ROBO2: variants seen among roughly 807,000 people sequenced by gnomAD.
ROBO2 encodes roundabout guidance receptor 2, also known as roundabout homolog 2.
A neutral mutation model predicts 160.8 loss-of-function variants in ROBO2; 53 were observed. The observed-to-expected ratio is 0.33, with a 90% CI of 0.26 to 0.41. The LOEUF is 0.41. ROBO2 is among the 10% of genes least tolerant of loss of function. The pLI, the probability that ROBO2 is intolerant of heterozygous loss-of-function variation, is 1.00. For synonymous variants in ROBO2, 664 were observed against 611.7 expected (o/e 1.09, Z -1.26); for missense variants, 1,577 against 1,722.4 (o/e 0.92, Z 1.49).
At chr3:77,423,703 C>T (rs2077922301) in intron 2 of ROBO2, among the ~76,000 whole-genome samples, 1 of 152,158 alleles carries the variant, frequency 6.6e-6, no homozygotes, top group South Asian at 2.1e-4. Flanking sequence ...AGCACTACCA[C>T]TACTGATTAT....
intron 2 of ROBO2, among the ~76,000 whole-genome samples, chr3:76,292,939 T>C (rs1191437444): frequency 6.6e-6 from 1 of 151,772 alleles, no homozygotes; most frequent in Non-Finnish European, 1.5e-5. Context: ...TATTTCTGAA[T>C]GTCAAATGTC....
At chr3:76,047,280 G>GA (rs145063522) in intron 2 of ROBO2, among the ~76,000 whole-genome samples, 3,786 of 152,140 alleles carry the variant, frequency 0.025, 140 homozygotes, top group African/African-American at 0.079. Flanking sequence ...TATTCCTCAT[G>GA]AAAAATATAG....
At chr3:77,531,258 G>T (rs57938865) in intron 6 of ROBO2, among the ~76,000 whole-genome samples, 6,388 of 152,052 alleles carry the variant, frequency 0.042, 426 homozygotes, top group African/African-American at 0.14. Context: ...CCAAAAGTAT[G>T]CTTCCTTTTG....
At chr3:75,999,626 A>G (rs949502832) in intron 2 of ROBO2, among the ~76,000 whole-genome samples, 1 of 152,156 alleles carries the variant, frequency 6.6e-6, no homozygotes, top group Admixed American at 6.6e-5. Flanking sequence ...CTTCTTACTC[A>G]ATTACTTTTA....
intron 2 of ROBO2, among the ~76,000 whole-genome samples, chr3:77,098,613 G>A (rs945984865): frequency 5.3e-5 from 8 of 152,080 alleles, no homozygotes; most frequent in Middle Eastern, 3.4e-3. Context: ...TTTGGGAGGC[G>A]GAGGCGGGCG....
chr3:77,331,981 C>T (rs551279832), intron 2 of ROBO2, among the ~76,000 whole-genome samples: 1 of 152,292 alleles, frequency 6.6e-6, no homozygotes, highest in South Asian at 2.1e-4. Flanking sequence ...GCTGGGATTA[C>T]AGGCGTGAGC....
At chr3:75,997,833 T>A (rs1305207398) in intron 2 of ROBO2, among the ~76,000 whole-genome samples, 1 of 152,132 alleles carries the variant, frequency 6.6e-6, no homozygotes, top group Admixed American at 6.5e-5. Flanking sequence ...GACTAAGATA[T>A]GAACATTTTT....
chr3:77,533,503 G>A lies in ROBO2; in HGVS notation c.934+10601G>A, dbSNP rs553911021. On this transcript the variant is annotated intron_variant, in intron 6 of 25. Transcript: ENST00000461745. ...AGGAATCCACTTCAAAGTTCCTTGGGGTGTTTTTCGGAATCTGGTTCCTTG... is the reference window on the plus strand; with the variant it reads ...AGGAATCCACTTCAAAGTTCCTTGGAGTGTTTTTCGGAATCTGGTTCCTTG... Among the ~76,000 whole-genome samples, 36 of 152,284 alleles carry A rather than the reference G, an allele frequency of 2.4e-4. 1 individual carries two copies. The Middle Eastern group carries it at 0.02, about 86-fold the overall frequency.
intron 1 of ROBO2, among the ~76,000 whole-genome samples, chr3:75,912,640 A>C (rs1206631832): frequency 6.6e-6 from 1 of 152,174 alleles, no homozygotes; most frequent in Non-Finnish European, 1.5e-5. Flanking sequence ...TATTAGCTCC[A>C]TCAGATACAC....
intron 2 of ROBO2, among the ~76,000 whole-genome samples, chr3:76,771,066 C>T (rs1272060969): frequency 2.0e-5 from 3 of 151,256 alleles, no homozygotes; most frequent in Admixed American, 6.6e-5. Context: ...TCATTAAATG[C>T]AGTTTTCTTT....
chr3:76,024,560 AC>A (rs2066675033), intron 2 of ROBO2, among the ~76,000 whole-genome samples: 1 of 151,616 alleles, frequency 6.6e-6, no homozygotes, highest in Non-Finnish European at 1.5e-5. Flanking sequence ...TAAGATTATA[AC>A]CACGCATTTT....
chr3:76,372,270 T>C (rs1242951448), intron 2 of ROBO2, among the ~76,000 whole-genome samples: 1 of 151,878 alleles, frequency 6.6e-6, no homozygotes, highest in East Asian at 1.9e-4. Context: ...TCTCATTCTG[T>C]ACAGAAGCTA....
chr3:76,758,708 T>C (rs1455360100), intron 2 of ROBO2, among the ~76,000 whole-genome samples: 58 of 151,840 alleles, frequency 3.8e-4, no homozygotes, highest in Admixed American at 3.4e-3. Flanking sequence ...ATATGGTTGA[T>C]AGGAATCTTA....
At chr3:77,640,550 T>C (rs1319144545) in intron 24 of ROBO2, among the ~76,000 whole-genome samples, 1 of 152,160 alleles carries the variant, frequency 6.6e-6, no homozygotes, top group African/African-American at 2.4e-5. Context: ...AGATCCAAGC[T>C]GGAGATTTTT....
chr3:77,179,112 G>C (rs1253862195), intron 2 of ROBO2, among the ~76,000 whole-genome samples: 1 of 151,852 alleles, frequency 6.6e-6, no homozygotes, highest in African/African-American at 2.4e-5. Context: ...CACTGAAAAT[G>C]AAAGGCTATT....
intron 2 of ROBO2, among the ~76,000 whole-genome samples, chr3:76,151,157 C>A (rs1327181296): frequency 1.3e-5 from 2 of 152,148 alleles, no homozygotes; most frequent in African/African-American, 4.8e-5. Flanking sequence ...CAGACTACTT[C>A]TTGAGGCCCT....
At chr3:77,175,797 G>A (rs1165843191) in intron 2 of ROBO2, among the ~76,000 whole-genome samples, 2 of 151,946 alleles carry the variant, frequency 1.3e-5, no homozygotes, top group Non-Finnish European at 2.9e-5. Flanking sequence ...GATCAAATCA[G>A]CCTGAATATT....
chr3:76,898,368 A>C (rs376766005), intron 2 of ROBO2, among the ~76,000 whole-genome samples: 1 of 152,124 alleles, frequency 6.6e-6, no homozygotes, highest in Non-Finnish European at 1.5e-5. Context: ...TCCATCTAAA[A>C]TGAGTATTAA....
At chr3:77,561,981 T>TAA (rs1320632570) in intron 9 of ROBO2, among the ~76,000 whole-genome samples, 1 of 151,926 alleles carries the variant, frequency 6.6e-6, no homozygotes, top group Non-Finnish European at 1.5e-5. Flanking sequence ...CACATGCCTG[T>TAA]AATCCCAGCT....
Sources: allele counts gnomAD v4.1 joint callset (sites outside exome capture counted in the v4.1 genomes callset), GRCh38; gene constraint gnomAD v4.1.1; transcripts MANE v1.5; gene names NCBI Gene and HGNC (gene_info 2026-07-23, HGNC 2026-07-21).